ANK1: variants seen among roughly 807,000 people sequenced by gnomAD.
ANK1 encodes the protein ankyrin-1.
ANK1 carries 51 observed loss-of-function variants against 210.4 expected under a neutral mutation model. The ratio of observed to expected loss-of-function variants is 0.24; its 90% CI spans 0.19 to 0.31. The LOEUF (loss-of-function observed/expected upper bound fraction) is 0.31. ANK1 is among the 10% of genes least tolerant of loss of function. The pLI is 1.00. For missense variants in ANK1, 2,051 were observed against 2,504.4 expected (o/e 0.82, Z 3.86); for synonymous variants, 967 against 1,025.9 (o/e 0.94, Z 1.10).
At chr8:41,848,899 G>T (rs1387140649) in intron 1 of ANK1, among the ~76,000 whole-genome samples, 1 of 152,264 alleles carries the variant, frequency 6.6e-6, no homozygotes, top group South Asian at 2.1e-4. Context: ...TGCTTCAGGG[G>T]CCCTGGGCCA....
intron 42 of ANK1, among the ~76,000 whole-genome samples, chr8:41,656,671 C>T (rs1805821572): frequency 6.6e-6 from 1 of 152,208 alleles, no homozygotes; most frequent in Non-Finnish European, 1.5e-5. Flanking sequence ...GAGGAGGTGA[C>T]AATCTCTTGG....
chr8:41,868,528 C>A (rs1244167361), intron 1 of ANK1, among the ~76,000 whole-genome samples: 3 of 152,332 alleles, frequency 2.0e-5, no homozygotes, highest in African/African-American at 7.2e-5. Context: ...TGTACGAAAT[C>A]TCATCAGAAA....
At chr8:41,896,121 C>T (rs1820477591) in intron 1 of ANK1, among the ~76,000 whole-genome samples, 1 of 152,212 alleles carries the variant, frequency 6.6e-6, no homozygotes, top group South Asian at 2.1e-4. Flanking sequence ...TCTGCGCGCC[C>T]TCAGCCTCCC....
chr8:41,873,801 T>C (rs1321442890), intron 1 of ANK1, among the ~76,000 whole-genome samples: 1 of 152,208 alleles, frequency 6.6e-6, no homozygotes, highest in Admixed American at 6.5e-5. Flanking sequence ...CCAGCTTCGC[T>C]ACCCTGAGCA....
At chr8:41,712,392 A>G (rs1481069293) in intron 16 of ANK1, among the ~76,000 whole-genome samples, 1 of 152,242 alleles carries the variant, frequency 6.6e-6, no homozygotes, top group Non-Finnish European at 1.5e-5. Flanking sequence ...GACATGGCTC[A>G]GGCTACCAGG....
chr8:41,695,094 G>A (rs1434327513), intron 27 of ANK1, 83 bp downstream of exon 27: 2 of 1,562,842 alleles, frequency 1.3e-6, no homozygotes, highest in Non-Finnish European at 1.8e-6. Flanking sequence ...ACTTCAGGTG[G>A]CCCTCAAAGA....
intron 1 of ANK1, among the ~76,000 whole-genome samples, chr8:41,851,764 G>A (rs1811295145): frequency 6.6e-6 from 1 of 152,170 alleles, no homozygotes; most frequent in African/African-American, 2.4e-5. Flanking sequence ...GGCTGAGGTG[G>A]GAGGATCACT....
At chr8:41,731,853 C>T (rs541892960) in intron 3 of ANK1, among the ~76,000 whole-genome samples, 3 of 152,360 alleles carry the variant, frequency 2.0e-5, no homozygotes, top group Admixed American at 6.5e-5. Flanking sequence ...CCAGGGCAGG[C>T]GCCGCTCCGG....
In ANK1 at chr8:41,660,498, G is replaced by A. The variant is rs1201993790; in HGVS notation, c.*36+932C>T. ...GCATGAAGGGCCTCGGGGCAGCTCAGTACAGGATGCCCCAGGGAGGATGGA... is the reference window on the plus strand; with the variant it reads ...GCATGAAGGGCCTCGGGGCAGCTCAATACAGGATGCCCCAGGGAGGATGGA... On this transcript the variant is annotated intron_variant, in intron 42 of 42. Transcript: ENST00000289734. The A allele has an allele frequency of 6.5e-6, 3 of 464,472 alleles. No homozygotes were observed. In the East Asian group the frequency reaches 2.1e-4, roughly 33 times the overall value. 28.8% of individuals were successfully genotyped at this position (464,472 alleles called of 1,614,324 possible). A position where few individuals can be genotyped will look rare whatever the true frequency, so the allele number is the denominator to read the frequency against.
Position 41,718,105 on chromosome 8 carries a change from C to T in ANK1, c.1206+1G>A. On this transcript the variant is annotated splice_donor_variant, in intron 11 of 42. Coordinates refer to ENST00000289734, the MANE Select transcript of ANK1 (RefSeq NM_000037.4). LOFTEE classifies it high-confidence loss of function. ...CCAGGCTCCTCTGCAGTCTCTCCTA[C>T]CTCGGTGACCGCGTCGATCGAGGCT... The T allele has an allele frequency of 6.2e-7, 1 of 1,613,782 alleles. No homozygotes were observed. Among genetic ancestry groups the T allele is most frequent in the Non-Finnish European group, 8.5e-7 (1 of 1,179,938 alleles).
chr8:41,831,271 G>T (rs1171665942), intron 1 of ANK1, among the ~76,000 whole-genome samples: 1 of 152,188 alleles, frequency 6.6e-6, no homozygotes, highest in Non-Finnish European at 1.5e-5. Flanking sequence ...CATACCTCAA[G>T]CCCCAAGAGT....
chr8:41,662,741 A>C (rs552427842), intron 40 of ANK1, among the ~76,000 whole-genome samples: 2 of 152,254 alleles, frequency 1.3e-5, no homozygotes, highest in East Asian at 3.9e-4. Flanking sequence ...AGACAGACGC[A>C]CAAGGAGCCT....
intron 13 of ANK1, among the ~76,000 whole-genome samples, 189 bp downstream of exon 13, chr8:41,716,764 C>T (rs1827792817): frequency 6.6e-6 from 1 of 152,214 alleles, no homozygotes; most frequent in Non-Finnish European, 1.5e-5. Flanking sequence ...GGCTCTCATG[C>T]AGAAATACCC....
At chr8:41,753,060 CTTT>C (rs761060485) in intron 2 of ANK1, among the ~76,000 whole-genome samples, 7 of 106,614 alleles carry the variant, frequency 6.6e-5, no homozygotes, top group Non-Finnish European at 1.1e-4. Context: ...GCCGCAGGCT[CTTT>C]TTTTTTTTTT....
intron 33 of ANK1, among the ~76,000 whole-genome samples, chr8:41,688,917 A>C (rs1818452182): frequency 6.6e-6 from 1 of 152,228 alleles, no homozygotes; most frequent in South Asian, 2.1e-4. Context: ...ACGTAAACTG[A>C]GGCATAGAGA....
chr8:41,678,754 C>T (rs966837502), intron 37 of ANK1, among the ~76,000 whole-genome samples: 3 of 152,142 alleles, frequency 2.0e-5, no homozygotes, highest in Non-Finnish European at 4.4e-5. Flanking sequence ...TTACAATCAC[C>T]GTTTTAGTAT....
chr8:41,693,989 A>C lies in ANK1; in HGVS notation c.3441T>G (p.Leu1147=). The change falls in exon 29 of 43, where the codon CTT becomes CTG. Residue 1147 remains leucine (L), a synonymous_variant. Coordinates refer to ENST00000289734, the MANE Select transcript of ANK1 (RefSeq NM_000037.4). ...RRRKFHRPIG[L]RIPLPPSWTD... The stretch of plus-strand genomic sequence containing the variant: ...TCCAGGAAGGAGGTAGTGGGATCCG[A>C]AGCCCAATGGGGCGGTGGAACTTCC... The C allele has an allele frequency of 6.2e-7, 1 of 1,614,118 alleles. No homozygotes were observed. Among genetic ancestry groups the C allele is most frequent in the Non-Finnish European group, 8.5e-7 (1 of 1,180,008 alleles).
In ANK1 at chr8:41,889,313, T is replaced by C. The variant is rs575042114; in HGVS notation, c.126+7042A>G. Among the ~76,000 whole-genome samples the C allele has an allele frequency of 7.2e-5, 11 of 152,330 alleles. No individual in the cohort carries two copies. In the East Asian group the frequency reaches 1.9e-3, roughly 27 times the overall value. The stretch of plus-strand genomic sequence containing the variant: ...GCCCAGTTCTGGGGTTATCAACCTA[T>C]TGGGCGACAGAGTGTGACAATGCAT... On this transcript the variant is annotated intron_variant, in intron 1 of 42. Transcript: ENST00000265709.
chr8:41,839,604 A>AGT (rs1423436423), intron 1 of ANK1, among the ~76,000 whole-genome samples: 1 of 152,240 alleles, frequency 6.6e-6, no homozygotes, highest in African/African-American at 2.4e-5. Context: ...TGCCCAGGAA[A>AGT]GTGTATTCAG....
Sources: allele counts gnomAD v4.1 joint callset (sites outside exome capture counted in the v4.1 genomes callset), GRCh38; gene constraint gnomAD v4.1.1; transcripts MANE v1.5; gene names NCBI Gene and HGNC (gene_info 2026-07-23, HGNC 2026-07-21).